CTSZ: variants seen among roughly 807,000 people sequenced by gnomAD.
CTSZ encodes carboxypeptidase LB.
A neutral mutation model predicts 32.4 loss-of-function variants in CTSZ; 39 were observed. The observed-to-expected ratio is 1.20, with a 90% CI of 0.93 to 1.57. The LOEUF (loss-of-function observed/expected upper bound fraction) is 1.57, where lower values mean the gene tolerates loss of function less well. Among genes scored for constraint, CTSZ ranks in the 40% most tolerant of loss-of-function variants. The probability of loss-of-function intolerance (pLI) is 0.00; values close to 1 mark genes in which losing one functional copy is unlikely to be tolerated. For synonymous variants in CTSZ, 168 were observed against 170.1 expected (o/e 0.99, Z 0.10); for missense variants, 397 against 419.6 (o/e 0.95, Z 0.47).
rs1199718562 is a variant in CTSZ at position 59,002,350 on chromosome 20, C to T, written c.308-706G>A. On this transcript the variant is annotated intron_variant, in intron 2 of 5. Transcript: ENST00000217131. This position sits in a 1 kb window ranked among gnomAD's most constrained non-coding sequence, Gnocchi z 4.1. ...ATAAAACAGATCCTAGAAGGAAATC[C>T]GGGCCCATGTTCAGGGTCATCTCAC... is the stretch of plus-strand genomic sequence containing the variant. Among the ~76,000 whole-genome samples, 3 of 152,276 alleles carry T rather than the reference C, an allele frequency of 2.0e-5. No individual in the cohort carries two copies. Among genetic ancestry groups the T allele is most frequent in the African/African-American group, 2.4e-5 (1 of 41,550 alleles).
chr20:59,006,614 A>G, intron 1 of CTSZ, 129 bp from the exon 2 acceptor site: 2 of 986,676 alleles, frequency 2.0e-6, no homozygotes, highest in Admixed American at 5.1e-5. Flanking sequence ...CACAATCACC[A>G]GAGGTGAGCC....
intron 5 of CTSZ, 52 bp from the exon 6 acceptor site, chr20:58,995,811 C>T (rs2091856488): frequency 6.5e-7 from 1 of 1,536,630 alleles, no homozygotes; most frequent in Non-Finnish European, 9.0e-7. Flanking sequence ...CTCCCGCTCC[C>T]CTTGCTGCCG....
At chr20:58,999,256 G>A (rs774484981) in intron 3 of CTSZ, among the ~76,000 whole-genome samples, 2 of 151,936 alleles carry the variant, frequency 1.3e-5, no homozygotes, top group African/African-American at 4.8e-5. Context: ...GTCTGGTCTC[G>A]AACTCCTGGT....
chr20:59,002,184 T>TG lies in CTSZ; in HGVS notation c.308-541dup, dbSNP rs1225651733. On this transcript the variant is annotated intron_variant, in intron 2 of 5. Transcript: ENST00000217131. The surrounding 1 kb of genome is among the most constrained non-coding windows in gnomAD (Gnocchi z 4.1). ...AGCAGGGACCCAGCCCCGAAGGCACTGGGGGATGCAGAGGGCTCCCAGCGG... is the reference window on the plus strand; with the variant it reads ...AGCAGGGACCCAGCCCCGAAGGCACTGGGGGGATGCAGAGGGCTCCCAGCGG... Among the ~76,000 whole-genome samples the TG allele has an allele frequency of 1.3e-5, 2 of 152,184 alleles. No homozygotes were observed.
Position 59,002,263 on chromosome 20 carries a change from C to T in CTSZ, c.308-619G>A, listed in dbSNP as rs2091892906. On this transcript the variant is annotated intron_variant, in intron 2 of 5. Coordinates refer to ENST00000217131, the MANE Select transcript of CTSZ (RefSeq NM_001336.4). This position sits in a 1 kb window ranked among gnomAD's most constrained non-coding sequence, Gnocchi z 4.1. Reference sequence around the variant, plus strand: ...TGGCTGGGCTCTAAATCCCAAGGTGCAGCCAGGGACAGCTCAGGGTGGTCA... The same window carrying T: ...TGGCTGGGCTCTAAATCCCAAGGTGTAGCCAGGGACAGCTCAGGGTGGTCA... Among the ~76,000 whole-genome samples, 2 of 152,178 alleles carry T rather than the reference C, an allele frequency of 1.3e-5. No individual in the cohort carries two copies. The highest frequency in any genetic ancestry group is 2.4e-5 in the African/African-American group (1 of 41,440).
chr20:58,997,556 C>T (rs2091867148), intron 4 of CTSZ, 47 bp downstream of exon 4: 2 of 1,489,926 alleles, frequency 1.3e-6, no homozygotes, highest in African/African-American at 1.4e-5. Flanking sequence ...CCCGCGGGAC[C>T]TTTCCTCACC....
rs71181993 is a variant in CTSZ at position 59,007,230 on chromosome 20, C to CGGCCT, written c.-103_-102insAGGCC. 12 of 1,262,610 alleles carry CGGCCT rather than the reference C, an allele frequency of 9.5e-6. No homozygotes were observed. The African/African-American group carries it at 1.7e-4, about 18-fold the overall frequency. The allele number at this position is 1,262,610 out of a possible 1,614,324, so 78.2% of individuals were successfully genotyped here. A position where few individuals can be genotyped will look rare whatever the true frequency, so the allele number is the denominator to read the frequency against. ...TCCCGCCCCGGCCTCGGCCTCGGCC[C>CGGCCT]AGCACCCGGCCGACCCCGCACTTTG... On this transcript the variant is annotated 5_prime_UTR_variant, in exon 1 of 6. Transcript: ENST00000217131.
At position 59,006,503 on chromosome 20, in the gene CTSZ, C is replaced by T. The variant is rs374624286; in HGVS notation, c.144-18G>A. On this transcript the variant is annotated intron_variant, in intron 1 of 5. Coordinates refer to ENST00000217131, the MANE Select transcript of CTSZ (RefSeq NM_001336.4). ...GGTATGTGCTGAGAAGAGATCATCCCCACCCAGATCGGTGCTGGGGCTCCC... is the reference window on the plus strand; with the variant it reads ...GGTATGTGCTGAGAAGAGATCATCCTCACCCAGATCGGTGCTGGGGCTCCC... 8.2e-5 allele frequency: 132 copies of T among 1,601,492 alleles called. No individual in the cohort carries two copies. In the African/African-American group the frequency reaches 1.7e-3, roughly 20 times the overall value.
At chr20:59,001,245 G>C (rs1453401627) in intron 3 of CTSZ, among the ~76,000 whole-genome samples, 2 of 152,212 alleles carry the variant, frequency 1.3e-5, no homozygotes, top group Non-Finnish European at 2.9e-5. Flanking sequence ...TAGCAGAGGG[G>C]GCTTCTGCAG....
At chr20:58,998,200 A>C (rs1728970805) in intron 3 of CTSZ, among the ~76,000 whole-genome samples, 1 of 142,720 alleles carries the variant, frequency 7.0e-6, no homozygotes, top group Admixed American at 7.2e-5. Context: ...TGAGGGGACC[A>C]AAAAAAAAAA....
At chr20:59,000,220 A>C (rs1018828384) in intron 3 of CTSZ, among the ~76,000 whole-genome samples, 1 of 150,864 alleles carries the variant, frequency 6.6e-6, no homozygotes, top group Admixed American at 6.6e-5. Context: ...TCTACTAAAA[A>C]ATACAAAAGT....
chr20:58,995,653 A>G lies in CTSZ; in HGVS notation c.908T>C (p.Val303Ala). Residue 303 changes from valine to alanine, a missense_variant, in exon 6 of 6, where the codon GTT (valine) becomes GCT (alanine). Physicochemically the swap from Val to Ala is moderately conservative, Grantham distance 64. Coordinates refer to ENST00000217131, the MANE Select transcript of CTSZ (RefSeq NM_001336.4). Reference sequence around the variant, plus strand: ...TGCGCTTCTAGTGACATGGCCTTAAACGATGGGGTCCCCAAATGTACAGTG... The same window carrying G: ...TGCGCTTCTAGTGACATGGCCTTAAGCGATGGGGTCCCCAAATGTACAGTG... Reference protein sequence around the residue: ...EEHCTFGDPIV With the variant: ...EEHCTFGDPIA 3 of 1,614,004 alleles carry G rather than the reference A, an allele frequency of 1.9e-6. No homozygotes were observed. The highest frequency in any genetic ancestry group is 2.5e-6 in the Non-Finnish European group (3 of 1,179,926).
At chr20:59,006,204 C>T (rs968017160) in intron 2 of CTSZ, 118 bp downstream of exon 2, 6 of 1,357,192 alleles carry the variant, frequency 4.4e-6, no homozygotes, top group Middle Eastern at 5.2e-4. Flanking sequence ...GCACCCCAGC[C>T]CAGGCTGACC....
chr20:59,004,429 G>T lies in CTSZ; in HGVS notation c.307+1893C>A, dbSNP rs1601227909. On this transcript the variant is annotated intron_variant, in intron 2 of 5. Transcript: ENST00000217131. The surrounding 1 kb of genome is among the most constrained non-coding windows in gnomAD (Gnocchi z 5.6). ...CGTGATCAGGAGAATGCTTCACGGT[G>T]GGCCCCAGGTGGCAGTGGAAAGAAC... Among the ~76,000 whole-genome samples, 1 of 152,196 alleles carries T rather than the reference G, an allele frequency of 6.6e-6. No homozygotes were observed. The highest frequency in any genetic ancestry group is 1.5e-5 in the Non-Finnish European group (1 of 67,994).
intron 3 of CTSZ, among the ~76,000 whole-genome samples, chr20:59,000,077 AAAAC>A (rs1457171885): frequency 1.6e-3 from 68 of 43,296 alleles, no homozygotes; most frequent in South Asian, 4.3e-3. Flanking sequence ...TCAAAAAAAA[AAAAC>A]AAACTACCAG....
rs1056135344 is a variant in CTSZ, at chr20:59,006,423, C to T, written c.206G>A (p.Arg69His). ...GGCATAGTTGACACCATCCACATTG[C>T]GCCAGTCCCAGCTCTTGGGCAGATC... ...PADLPKSWDWRNVDGVNYASI... is the reference protein window; with the variant it reads ...PADLPKSWDWHNVDGVNYASI... Residue 69 changes from arginine to histidine, a missense_variant, in exon 2 of 6, where the codon CGC becomes CAC. Coordinates refer to ENST00000217131, the MANE Select transcript of CTSZ (RefSeq NM_001336.4). 8 of 1,613,928 alleles carry T rather than the reference C, an allele frequency of 5.0e-6. No homozygotes were observed. Among genetic ancestry groups the T allele is most frequent in the Non-Finnish European group, 6.8e-6 (8 of 1,180,042 alleles).
rs914128031 is a variant in CTSZ, at chr20:59,002,048, T to C, written c.308-404A>G. 5.3e-5 allele frequency among the ~76,000 whole-genome samples: 8 copies of C among 152,238 alleles called. No individual in the cohort carries two copies. The highest frequency in any genetic ancestry group is 1.5e-5 in the Non-Finnish European group (1 of 68,024). ...AAAGCCAGCCAGGAGAGACCGTCCCTGCCCTCGTGGACAGGGGGCCAAGGT... is the reference window on the plus strand; with the variant it reads ...AAAGCCAGCCAGGAGAGACCGTCCCCGCCCTCGTGGACAGGGGGCCAAGGT... On this transcript the variant is annotated intron_variant, in intron 2 of 5. Coordinates refer to ENST00000217131, the MANE Select transcript of CTSZ (RefSeq NM_001336.4). This position sits in a 1 kb window ranked among gnomAD's most constrained non-coding sequence, Gnocchi z 4.1.
intron 3 of CTSZ, among the ~76,000 whole-genome samples, chr20:58,999,042 CT>C (rs1192205768): frequency 8.8e-5 from 13 of 148,376 alleles, no homozygotes; most frequent in Admixed American, 6.7e-5. Context: ...CTTTTCTTTT[CT>C]TTTTTTTTTG....
chr20:59,006,278 C>T, intron 2 of CTSZ, 44 bp downstream of exon 2: 3 of 1,542,916 alleles, frequency 1.9e-6, no homozygotes, highest in Non-Finnish European at 1.7e-6. Flanking sequence ...AACAGGCAGC[C>T]GGGATGGGCT....
Sources: gnomAD v4.1 joint callset for allele counts (sites outside exome capture counted in the v4.1 genomes callset) on GRCh38, gnomAD v4.1.1 for gene constraint, Gnocchi (gnomAD v3.1) non-coding constraint, MANE v1.5 for transcripts, NCBI Gene and HGNC (gene_info 2026-07-23, HGNC 2026-07-21) for gene names.